Variants in AKR1E2 observed in about 807,000 individuals in gnomAD.
The protein encoded by AKR1E2 is aldo-keto reductase family 1 member E2.
Under a neutral mutation model 41.9 loss-of-function variants are expected in AKR1E2, and 43 were observed. That is an observed-to-expected ratio of 1.03 (90% confidence interval 0.80 to 1.32). The LOEUF is 1.32. Among genes scored for constraint, AKR1E2 ranks in the 40% most tolerant of loss-of-function variants. The pLI, the probability that AKR1E2 is intolerant of heterozygous loss-of-function variation, is 0.00. For synonymous variants in AKR1E2, 121 were observed against 138.9 expected (o/e 0.87, Z 0.91); for missense variants, 423 against 396.5 (o/e 1.07, Z -0.57).
intron 8 of AKR1E2, among the ~76,000 whole-genome samples, chr10:4,846,449 C>A (rs17133759): frequency 0.035 from 5,310 of 152,164 alleles, 150 homozygotes; most frequent in East Asian, 0.11. Flanking sequence ...GTTCATAGTC[C>A]CAGGGCCAAG....
chr10:4,851,627 A>G (rs753132132), downstream of AKR1E2, among the ~76,000 whole-genome samples: 1 of 152,232 alleles, frequency 6.6e-6, no homozygotes, highest in Admixed American at 6.5e-5. Flanking sequence ...TGTGCCAGGT[A>G]CTATTCTATA....
chr10:4,827,522 G>C (rs1043801176), intron 1 of AKR1E2, among the ~76,000 whole-genome samples: 4 of 151,368 alleles, frequency 2.6e-5, no homozygotes, highest in Non-Finnish European at 2.9e-5. Flanking sequence ...TCTATTCTAC[G>C]ACCTTTCTCT....
chr10:4,840,784 ATCT>A (rs1253290958), intron 6 of AKR1E2, among the ~76,000 whole-genome samples: 2 of 152,020 alleles, frequency 1.3e-5, no homozygotes, highest in African/African-American at 4.8e-5. Context: ...GTCCAGCATC[ATCT>A]TCTCCAGGAA....
chr10:4,829,428 G>A (rs1374258143), intron 1 of AKR1E2, among the ~76,000 whole-genome samples: 1 of 152,176 alleles, frequency 6.6e-6, no homozygotes. Flanking sequence ...TCATGAATAA[G>A]ATGAATGTGT....
chr10:4,839,063 T>C (rs1473192866), intron 5 of AKR1E2, among the ~76,000 whole-genome samples: 1 of 152,218 alleles, frequency 6.6e-6, no homozygotes, highest in Non-Finnish European at 1.5e-5. Flanking sequence ...TAAATAACTA[T>C]TTATTTTAAA....
Position 4,833,520 on chromosome 10 carries a change from C to T in AKR1E2, c.324+54C>T, listed in dbSNP as rs775006835. Reference sequence around the variant, plus strand: ...AGTTTGCAGGACCTTCCTCCCCGTGCTCACACCCTGTCTTGCGGTGGGGAG... The same window carrying T: ...AGTTTGCAGGACCTTCCTCCCCGTGTTCACACCCTGTCTTGCGGTGGGGAG... On this transcript the variant is annotated intron_variant, in intron 3 of 9. Coordinates refer to ENST00000298375, the MANE Select transcript of AKR1E2 (RefSeq NM_001040177.3). The T allele has an allele frequency of 8.9e-6, 13 of 1,463,244 alleles. No individual in the cohort carries two copies. In the African/African-American group the frequency reaches 1.8e-4, roughly 20 times the overall value. 90.6% of individuals were successfully genotyped at this position (1,463,244 alleles called of 1,614,324 possible).
At chr10:4,850,247 C>T (rs1834497668), downstream of AKR1E2, among the ~76,000 whole-genome samples, 1 of 152,152 alleles carries the variant, frequency 6.6e-6, no homozygotes, top group Non-Finnish European at 1.5e-5. Context: ...GGACCCTCTG[C>T]GTCAAATGAT....
At chr10:4,841,600 A>C (rs1296969499) in intron 6 of AKR1E2, among the ~76,000 whole-genome samples, 185 bp from the exon 7 acceptor site, 1 of 152,088 alleles carries the variant, frequency 6.6e-6, no homozygotes, top group East Asian at 1.9e-4. Context: ...AAGTGTTAGC[A>C]GTGGTTATCT....
chr10:4,856,978 A>T, the AKR1E2 span, among the ~76,000 whole-genome samples: 7 of 152,234 alleles, frequency 4.6e-5, no homozygotes, highest in African/African-American at 1.7e-4. Flanking sequence ...GAAACTCTCT[A>T]CTTATTAAAC....
At chr10:4,827,073 T>TG (rs1480905904) in intron 1 of AKR1E2, among the ~76,000 whole-genome samples, 4 of 69,080 alleles carry the variant, frequency 5.8e-5, no homozygotes, top group South Asian at 5.8e-4. Flanking sequence ...CAGACCTTGC[T>TG]GGAAAAAAAA....
At chr10:4,863,252 C>A in the AKR1E2 span, among the ~76,000 whole-genome samples, 2 of 152,140 alleles carry the variant, frequency 1.3e-5, no homozygotes, top group East Asian at 3.9e-4. Flanking sequence ...GAAATTATAA[C>A]AAACTGTCTC....
intron 8 of AKR1E2, 98 bp from the exon 9 acceptor site, chr10:4,847,050 G>A (rs1834386182): frequency 4.6e-6 from 6 of 1,293,778 alleles, no homozygotes; most frequent in Non-Finnish European, 6.5e-6. Flanking sequence ...ACATCTTTGT[G>A]TCCCTTGCAG....
At chr10:4,852,462 G>T (rs1834545730), downstream of AKR1E2, among the ~76,000 whole-genome samples, 2 of 152,166 alleles carry the variant, frequency 1.3e-5, no homozygotes, top group African/African-American at 4.8e-5. Flanking sequence ...ATTAATTCTT[G>T]TAAAATAATA....
At chr10:4,855,755 G>T in the AKR1E2 span, among the ~76,000 whole-genome samples, 3 of 152,286 alleles carry the variant, frequency 2.0e-5, no homozygotes, top group South Asian at 2.1e-4. Context: ...AGTAATCTTT[G>T]GGAAATAAAG....
chr10:4,848,427 C>T (rs760306861), downstream of AKR1E2, among the ~76,000 whole-genome samples: 8 of 152,188 alleles, frequency 5.3e-5, no homozygotes, highest in Admixed American at 2.6e-4. Context: ...GTGGTCCAGA[C>T]GCCATGATCC....
At position 4,826,969 on chromosome 10, in the gene AKR1E2, A is replaced by C. The variant is rs889355103; in HGVS notation, c.39+606A>C. Among the ~76,000 whole-genome samples, 2 of 151,094 alleles carry C rather than the reference A, an allele frequency of 1.3e-5. 1 individual carries two copies. On this transcript the variant is annotated intron_variant, in intron 1 of 9. Transcript: ENST00000298375. ...TGCGCGCCTGTGGTCCCAGCTACTC[A>C]GGAGGCTGAGGTGGGAGGATCACTG...
intron 2 of AKR1E2, 137 bp downstream of exon 2, chr10:4,830,979 A>C: frequency 9.0e-7 from 1 of 1,112,028 alleles, no homozygotes; most frequent in Non-Finnish European, 1.3e-6. Context: ...CAGCTTCATG[A>C]GCATGCTGAA....
chr10:4,854,542 G>A, the AKR1E2 span, among the ~76,000 whole-genome samples: 25 of 152,146 alleles, frequency 1.6e-4, no homozygotes, highest in Non-Finnish European at 3.5e-4. Flanking sequence ...AGGGACTATA[G>A]TGAGGAACCC....
the AKR1E2 span, among the ~76,000 whole-genome samples, chr10:4,870,774 T>A: frequency 6.6e-6 from 1 of 152,264 alleles, no homozygotes; most frequent in East Asian, 1.9e-4. Flanking sequence ...TGGTTTATAT[T>A]GTTTGAAGAT....
Sources: allele counts gnomAD v4.1 joint callset (sites outside exome capture counted in the v4.1 genomes callset), GRCh38; gene constraint gnomAD v4.1.1; transcripts MANE v1.5; gene names NCBI Gene and HGNC (gene_info 2026-07-23, HGNC 2026-07-21).